VKORC1L1: variants seen among roughly 807,000 people sequenced by gnomAD.
The protein encoded by VKORC1L1 is vitamin K epoxide reductase complex subunit 1-like protein 1.
In VKORC1L1, 2 loss-of-function variants were observed where a neutral mutation model predicts 18.9. The ratio of observed to expected loss-of-function variants is 0.11; its 90% confidence interval spans 0.04 to 0.33. VKORC1L1 has a LOEUF of 0.33. Among genes scored for constraint, VKORC1L1 ranks in the 10% least tolerant of loss-of-function variants. VKORC1L1 has a pLI of 1.00. For synonymous variants in VKORC1L1, 96 were observed against 100.0 expected, an observed-to-expected ratio of 0.96 and a Z score of 0.24; for missense variants, 123 against 224.1, an observed-to-expected ratio of 0.55 and a Z score of 2.88.
At chr7:65,883,801 T>C (rs1788968525) in intron 1 of VKORC1L1, among the ~76,000 whole-genome samples, 1 of 107,654 alleles carries the variant, frequency 9.3e-6, no homozygotes, top group South Asian at 3.7e-4. Context: ...CCCAGCCTAA[T>C]CTGTTTATGT....
intron 1 of VKORC1L1, among the ~76,000 whole-genome samples, chr7:65,874,854 C>T (rs1255233531): frequency 6.6e-6 from 1 of 151,980 alleles, no homozygotes; most frequent in African/African-American, 2.4e-5. Context: ...ATTGACTTGT[C>T]TTTAAAAAAG....
chr7:65,952,778 C>CTTTTTTTTTT (rs11395208), intron 2 of VKORC1L1, among the ~76,000 whole-genome samples: 7 of 86,612 alleles, frequency 8.1e-5, no homozygotes, highest in Non-Finnish European at 1.0e-4. Flanking sequence ...TTTTTTTTTC[C>CTTTTTTTTTT]TTTTTTTTTT....
intron 1 of VKORC1L1, among the ~76,000 whole-genome samples, chr7:65,925,027 C>T (rs1259714178): frequency 6.6e-6 from 1 of 152,116 alleles, no homozygotes; most frequent in Non-Finnish European, 1.5e-5. Context: ...CGTAATCTTC[C>T]CTTTCCCTCA....
intron 1 of VKORC1L1, among the ~76,000 whole-genome samples, chr7:65,884,914 T>G (rs1212990934): frequency 6.6e-6 from 1 of 152,244 alleles, no homozygotes; most frequent in East Asian, 1.9e-4. Context: ...ACTGTGTTTC[T>G]TCTCCTGCCT....
intron 1 of VKORC1L1, among the ~76,000 whole-genome samples, chr7:65,916,926 C>G (rs1789598928): frequency 6.6e-6 from 1 of 152,124 alleles, no homozygotes; most frequent in Non-Finnish European, 1.5e-5. Flanking sequence ...GATAACAGTT[C>G]ATGGTTATCT....
Position 65,918,541 on chromosome 7 carries a change from ATGGT to A in VKORC1L1, c.195-30126_195-30123del, listed in dbSNP as rs1331234274. 5.3e-5 allele frequency among the ~76,000 whole-genome samples: 8 copies of A among 152,306 alleles called. No homozygotes were observed. The East Asian group carries it at 1.5e-3, about 29-fold the overall frequency. ...TTAAGAGTCAAACCTAGAGAAATGA[ATGGT>A]TGGGATGATCTTCACTTTCCACAAA... On this transcript the variant is annotated intron_variant, in intron 1 of 2. Transcript: ENST00000360768.
At position 65,919,266 on chromosome 7, in the gene VKORC1L1, GT is replaced by G. The variant is rs529607057; in HGVS notation, c.195-29403del. The stretch of plus-strand genomic sequence containing the variant: ...TAATGGATTGATGGATTTATCAAAG[GT>G]TACTTGTTGATGTCATTCAGTCTCT... On this transcript the variant is annotated intron_variant, in intron 1 of 2. Transcript: ENST00000360768. Among the ~76,000 whole-genome samples the G allele has an allele frequency of 1.4e-3, 209 of 151,786 alleles. 2 individuals carry two copies. The highest frequency in any genetic ancestry group is 4.8e-3 in the African/African-American group (198 of 41,506).
chr7:65,897,642 C>T (rs1339961745), intron 1 of VKORC1L1, among the ~76,000 whole-genome samples: 1 of 150,644 alleles, frequency 6.6e-6, no homozygotes, highest in Non-Finnish European at 1.5e-5. Context: ...GGTAGTATTA[C>T]TCTTGCGGAG....
intron 1 of VKORC1L1, among the ~76,000 whole-genome samples, chr7:65,908,663 C>T (rs554459406): frequency 2.0e-5 from 3 of 151,542 alleles, no homozygotes; most frequent in African/African-American, 4.8e-5. Flanking sequence ...TGGTGAAACC[C>T]CATCTCTACT....
At chr7:65,879,736 T>C (rs1223848278) in intron 1 of VKORC1L1, among the ~76,000 whole-genome samples, 2 of 151,906 alleles carry the variant, frequency 1.3e-5, no homozygotes, top group Non-Finnish European at 2.9e-5. Flanking sequence ...TTTCTTTCTT[T>C]TTCCTTCCTT....
chr7:65,882,380 A>AAAAAT (rs767928170), intron 1 of VKORC1L1, among the ~76,000 whole-genome samples: 33 of 149,958 alleles, frequency 2.2e-4, no homozygotes, highest in South Asian at 4.3e-4. Context: ...ACTCCGTCTG[A>AAAAAT]AAAATAAAAT....
upstream of VKORC1L1, among the ~76,000 whole-genome samples, chr7:65,871,636 T>C (rs1023870421): frequency 1.6e-4 from 24 of 152,236 alleles, no homozygotes; most frequent in Admixed American, 5.2e-4. Context: ...TCCCTCTCCC[T>C]GGGGTAAGCC....
chr7:65,907,962 C>T (rs894627714), intron 1 of VKORC1L1, among the ~76,000 whole-genome samples: 16 of 152,086 alleles, frequency 1.1e-4, no homozygotes, highest in Admixed American at 3.3e-4. Context: ...TGCTCTGGTC[C>T]CAGCTTTGAT....
intron 1 of VKORC1L1, among the ~76,000 whole-genome samples, chr7:65,929,656 ATG>A (rs976580338): frequency 5.0e-5 from 6 of 121,096 alleles, no homozygotes; most frequent in African/African-American, 9.4e-5. Flanking sequence ...ATATATATGT[ATG>A]TGTGTGTGTG....
At chr7:65,917,937 ATAGTCT>A (rs760539784) in intron 1 of VKORC1L1, among the ~76,000 whole-genome samples, 3 of 152,194 alleles carry the variant, frequency 2.0e-5, no homozygotes, top group Non-Finnish European at 4.4e-5. Context: ...TGGTCTGGAA[ATAGTCT>A]TGGTGTCACA....
At chr7:65,867,528 T>C in the VKORC1L1 span, among the ~76,000 whole-genome samples, 1 of 152,114 alleles carries the variant, frequency 6.6e-6, no homozygotes, top group South Asian at 2.1e-4. Flanking sequence ...CTCATGCTGT[T>C]GCAGTGGCTG....
chr7:65,894,770 G>A lies in VKORC1L1; in HGVS notation c.194+21205G>A, dbSNP rs149335115. Among the ~76,000 whole-genome samples, 316 of 151,774 alleles carry A rather than the reference G, an allele frequency of 2.1e-3. 1 individual carries two copies. The highest frequency in any genetic ancestry group is 7.4e-3 in the African/African-American group (304 of 41,342). ...AAAAGAAAAGAAGTAAATTGGCCAG[G>A]CATAGTGTCTTGTGCCTGTAATCCC... is the stretch of plus-strand genomic sequence containing the variant. On this transcript the variant is annotated intron_variant, in intron 1 of 2. Transcript: ENST00000360768.
At chr7:65,945,745 A>T (rs996972596) in intron 1 of VKORC1L1, among the ~76,000 whole-genome samples, 2 of 152,224 alleles carry the variant, frequency 1.3e-5, no homozygotes, top group Non-Finnish European at 2.9e-5. Context: ...TTGAAACCTT[A>T]TGCATGTATA....
intron 1 of VKORC1L1, among the ~76,000 whole-genome samples, chr7:65,916,552 A>G (rs935210418): frequency 5.3e-5 from 8 of 151,458 alleles, no homozygotes; most frequent in African/African-American, 1.9e-4. Context: ...GAAGATCACA[A>G]CCTAGATCTT....
Sources: gnomAD v4.1 joint callset for allele counts (sites outside exome capture counted in the v4.1 genomes callset) on GRCh38, gnomAD v4.1.1 for gene constraint, MANE v1.5 for transcripts, NCBI Gene and HGNC (gene_info 2026-07-23, HGNC 2026-07-21) for gene names.